Variants in PCSK2 observed in about 807,000 individuals in gnomAD.
PCSK2 encodes proprotein convertase subtilisin/kexin type 2, also known as neuroendocrine convertase 2.
PCSK2 carries 14 observed loss-of-function variants against 69.7 expected under a neutral mutation model. That is an observed-to-expected ratio of 0.20 (90% CI 0.13 to 0.31). The LOEUF is 0.31. Among genes scored for constraint, PCSK2 ranks in the 10% least tolerant of loss-of-function variants. The pLI is 1.00. For missense variants in PCSK2, 544 were observed against 842.5 expected, an observed-to-expected ratio of 0.65 and a Z score of 4.39; for synonymous variants, 307 against 320.7, an observed-to-expected ratio of 0.96 and a Z score of 0.46.
intron 6 of PCSK2, among the ~76,000 whole-genome samples, chr20:17,420,648 T>A (rs2032103145): frequency 6.6e-6 from 1 of 152,242 alleles, no homozygotes; most frequent in Non-Finnish European, 1.5e-5. Flanking sequence ...AGTTCTACTT[T>A]GTAAGCTAAT....
intron 2 of PCSK2, among the ~76,000 whole-genome samples, chr20:17,271,604 CAG>C (rs967783095): frequency 6.6e-5 from 10 of 151,978 alleles, no homozygotes; most frequent in African/African-American, 2.4e-4. Flanking sequence ...AGGAACACAA[CAG>C]AGAGTGGTGG....
chr20:17,371,231 T>A (rs2030751972), intron 5 of PCSK2, among the ~76,000 whole-genome samples: 1 of 152,170 alleles, frequency 6.6e-6, no homozygotes, highest in Non-Finnish European at 1.5e-5. Flanking sequence ...CATCCTTCCC[T>A]TCTCCCTGCC....
upstream of PCSK2, chr20:17,226,874 G>A (rs1985925822): frequency 6.8e-6 from 1 of 146,856 alleles, no homozygotes; most frequent in South Asian, 2.1e-4. Flanking sequence ...GGGTGGGCGG[G>A]GGCGGGCCCG....
chr20:17,239,004 T>G (rs559085215), intron 1 of PCSK2, among the ~76,000 whole-genome samples: 112 of 152,264 alleles, frequency 7.4e-4, no homozygotes, highest in African/African-American at 2.7e-3. Context: ...CGATGTCTCA[T>G]GAGATGGTGC....
rs2033435407 is a variant in PCSK2 at position 17,482,929 on chromosome 20, T to C, written c.*859T>C. On this transcript the variant is annotated 3_prime_UTR_variant, in exon 12 of 12. Coordinates refer to ENST00000262545, the MANE Select transcript of PCSK2 (RefSeq NM_002594.5). ...ATTAAGACAAGCCTGGCAACACACC[T>C]GGTGAAGAGTAGTTTACTAGCTTTT... 6.6e-6 allele frequency: 1 copy of C among 152,074 alleles called. No individual in the cohort carries two copies. The highest frequency in any genetic ancestry group is 1.5e-5 in the Non-Finnish European group (1 of 68,026). 9.4% of individuals were successfully genotyped at this position (152,074 alleles called of 1,614,324 possible). A position where few individuals can be genotyped will look rare whatever the true frequency, so the allele number is the denominator to read the frequency against.
intron 1 of PCSK2, among the ~76,000 whole-genome samples, chr20:17,241,587 A>C (rs1008573240): frequency 2.6e-5 from 4 of 152,224 alleles, no homozygotes; most frequent in Non-Finnish European, 5.9e-5. Flanking sequence ...TGATGCCACT[A>C]GGAAGTCAGG....
intron 2 of PCSK2, among the ~76,000 whole-genome samples, chr20:17,321,117 T>G (rs1441290416): frequency 1.3e-5 from 2 of 152,228 alleles, no homozygotes; most frequent in Admixed American, 1.3e-4. Flanking sequence ...TTCAACATTA[T>G]TCACCCAAGT....
chr20:17,432,401 T>C (rs992251651), intron 7 of PCSK2, among the ~76,000 whole-genome samples: 2 of 152,262 alleles, frequency 1.3e-5, no homozygotes, highest in Non-Finnish European at 2.9e-5. Flanking sequence ...TCCTGCAGTC[T>C]TCAAGCTTTA....
intron 5 of PCSK2, among the ~76,000 whole-genome samples, chr20:17,397,189 A>G (rs1168800617): frequency 6.6e-6 from 1 of 152,228 alleles, no homozygotes; most frequent in Non-Finnish European, 1.5e-5. Context: ...TCTTTCCAGG[A>G]AAAAGTCAGG....
chr20:17,256,030 A>G (rs1018264275), intron 1 of PCSK2, among the ~76,000 whole-genome samples: 1 of 152,156 alleles, frequency 6.6e-6, no homozygotes, highest in Admixed American at 6.5e-5. Context: ...TTTCTGAAGG[A>G]CTGGAATTAT....
At chr20:17,384,280 A>G (rs753580043) in intron 5 of PCSK2, among the ~76,000 whole-genome samples, 28 of 152,068 alleles carry the variant, frequency 1.8e-4, no homozygotes, top group Non-Finnish European at 3.8e-4. Context: ...AAGTGACTAC[A>G]TACTATTTAA....
chr20:17,426,699 C>T (rs944231137), intron 6 of PCSK2, among the ~76,000 whole-genome samples: 11 of 152,172 alleles, frequency 7.2e-5, no homozygotes, highest in African/African-American at 2.7e-4. Flanking sequence ...CAGGAAGATC[C>T]AACGTTACAG....
At chr20:17,445,927 G>T (rs867243275) in intron 8 of PCSK2, among the ~76,000 whole-genome samples, 2 of 152,146 alleles carry the variant, frequency 1.3e-5, no homozygotes, top group African/African-American at 4.8e-5. Flanking sequence ...TGATCCTTGT[G>T]ACCAGCCGTC....
intron 6 of PCSK2, among the ~76,000 whole-genome samples, chr20:17,418,781 G>A (rs991457908): frequency 5.3e-5 from 8 of 152,162 alleles, no homozygotes; most frequent in Admixed American, 4.6e-4. Flanking sequence ...CACCAAATCC[G>A]ATGCCCCATC....
In PCSK2 at chr20:17,406,602, C is replaced by T. The variant is rs556699231; in HGVS notation, c.544-2661C>T. 3.9e-5 allele frequency among the ~76,000 whole-genome samples: 6 copies of T among 152,288 alleles called. No homozygotes were observed. In the South Asian group the frequency reaches 1.2e-3, roughly 32 times the overall value. On this transcript the variant is annotated intron_variant, in intron 5 of 11. Transcript: ENST00000262545. ...AACTCTCCAGGTCCTGCTTCCAACCCCTGCCATGTCCGGCCAAACTATTTT... is the reference window on the plus strand; with the variant it reads ...AACTCTCCAGGTCCTGCTTCCAACCTCTGCCATGTCCGGCCAAACTATTTT...
chr20:17,386,190 GTAC>G (rs1196112267), intron 5 of PCSK2, among the ~76,000 whole-genome samples: 2 of 152,088 alleles, frequency 1.3e-5, no homozygotes, highest in Non-Finnish European at 2.9e-5. Context: ...GTATATGTAT[GTAC>G]TACTATCAAT....
intron 8 of PCSK2, among the ~76,000 whole-genome samples, chr20:17,448,893 C>CT (rs11468966): frequency 5.9e-4 from 80 of 136,454 alleles, no homozygotes; most frequent in Admixed American, 1.2e-3. Flanking sequence ...ATGCACTTGC[C>CT]TTTTTTTTTT....
intron 2 of PCSK2, among the ~76,000 whole-genome samples, chr20:17,339,055 T>A (rs906724704): frequency 6.6e-6 from 1 of 152,240 alleles, no homozygotes; most frequent in Non-Finnish European, 1.5e-5. Context: ...GGGAGATTTA[T>A]TCAACAATTA....
At chr20:17,253,608 A>G (rs1195337483) in intron 1 of PCSK2, among the ~76,000 whole-genome samples, 1 of 152,178 alleles carries the variant, frequency 6.6e-6, no homozygotes, top group Non-Finnish European at 1.5e-5. Context: ...TGTTTTATCA[A>G]TTGATAGCAA....
Sources: allele counts gnomAD v4.1 joint callset (sites outside exome capture counted in the v4.1 genomes callset), GRCh38; gene constraint gnomAD v4.1.1; transcripts MANE v1.5; gene names NCBI Gene and HGNC (gene_info 2026-07-23, HGNC 2026-07-21).